ZFP1: variants seen among roughly 807,000 people sequenced by gnomAD.
ZFP1 encodes the protein ZFP1 zinc finger protein.
Under a neutral mutation model 38.5 loss-of-function variants are expected in ZFP1, and 32 were observed. The ratio of observed to expected loss-of-function variants is 0.83; its 90% confidence interval spans 0.63 to 1.12. The LOEUF (loss-of-function observed/expected upper bound fraction) is 1.12, where lower values mean the gene tolerates loss of function less well. Ranked by LOEUF, ZFP1 falls within the 50% of genes most tolerant of loss-of-function variation. ZFP1 has a pLI of 0.00. For missense variants in ZFP1, 616 were observed against 480.8 expected (o/e 1.28, Z -2.63); for synonymous variants, 245 against 168.8 (o/e 1.45, Z -3.50).
chr16:75,120,905 A>G, the ZFP1 span, among the ~76,000 whole-genome samples: 48 of 152,226 alleles, frequency 3.2e-4, 1 homozygote, highest in Non-Finnish European at 6.0e-4. Flanking sequence ...GATTACAGGC[A>G]TAAGCCACTG....
chr16:75,170,173 A>T lies in ZFP1; in HGVS notation c.1063A>T (p.Thr355Ser). 6.2e-7 allele frequency: 1 copy of T among 1,614,236 alleles called. No homozygotes were observed. The stretch of plus-strand genomic sequence containing the variant: ...TACAGGAGAGAAACCCTATGAATGT[A>T]CTGAGTGCGGCAAAACTTTCAGCCA... ...THTGEKPYEC[T>S]ECGKTFSQRS... The change falls in exon 4 of 4, where the codon ACT becomes TCT. Residue 355 changes from threonine to serine, a missense_variant. Transcript: ENST00000570010.
At chr16:75,151,945 T>C (rs2037225566) in intron 1 of ZFP1, among the ~76,000 whole-genome samples, 1 of 152,200 alleles carries the variant, frequency 6.6e-6, no homozygotes. Context: ...TTGAAAGATA[T>C]TTTTGCTGGG....
chr16:75,148,153 C>A (rs2036980660), upstream of ZFP1, among the ~76,000 whole-genome samples: 1 of 152,160 alleles, frequency 6.6e-6, no homozygotes, highest in East Asian at 1.9e-4. Context: ...TAATGTTATA[C>A]GCAGTTAATC....
At chr16:75,157,740 C>G (rs572829730) in intron 2 of ZFP1, among the ~76,000 whole-genome samples, 4 of 152,168 alleles carry the variant, frequency 2.6e-5, no homozygotes, top group African/African-American at 9.6e-5. Context: ...CCCTCTTTAT[C>G]CCTGATAATA....
chr16:75,119,614 A>G, the ZFP1 span: 9 of 152,330 alleles, frequency 5.9e-5, no homozygotes, highest in East Asian at 3.9e-4. Context: ...TGTTTTGGCT[A>G]AAGTTAAGAT....
At chr16:75,140,514 C>G in the ZFP1 span, among the ~76,000 whole-genome samples, 3 of 152,236 alleles carry the variant, frequency 2.0e-5, no homozygotes, top group East Asian at 3.8e-4. Context: ...ATTGTTTATT[C>G]TTATTGTCCC....
chr16:75,153,409 C>T (rs1056013749), intron 2 of ZFP1, among the ~76,000 whole-genome samples: 1 of 152,180 alleles, frequency 6.6e-6, no homozygotes, highest in African/African-American at 2.4e-5. Context: ...AAGCAGGTAC[C>T]ACTGTCATTA....
At chr16:75,143,808 C>T (rs946366374), upstream of ZFP1, among the ~76,000 whole-genome samples, 2 of 151,834 alleles carry the variant, frequency 1.3e-5, no homozygotes, top group African/African-American at 4.8e-5. Flanking sequence ...CATGCCACTG[C>T]GCCCACCTAA....
intron 2 of ZFP1, among the ~76,000 whole-genome samples, chr16:75,164,891 C>T (rs979421083): frequency 2.6e-5 from 4 of 152,044 alleles, no homozygotes; most frequent in Non-Finnish European, 4.4e-5. Flanking sequence ...CCGCAACGTC[C>T]ACTTCCTGGG....
At position 75,166,468 on chromosome 16, in the gene ZFP1, C is replaced by T; in HGVS notation, c.16-302C>T. The stretch of plus-strand genomic sequence containing the variant: ...CTCGAACTCCCGACCTCAAGTGATT[C>T]CCCCGCCCACCTAGCCTCCCAAAGT... On this transcript the variant is annotated intron_variant, in intron 2 of 3. Transcript: ENST00000570010. 4.7e-6 allele frequency: 4 copies of T among 852,238 alleles called. No homozygotes were observed. In the South Asian group the frequency reaches 1.6e-4, roughly 35 times the overall value. 52.8% of individuals were successfully genotyped at this position (852,238 alleles called of 1,614,324 possible). A position where few individuals can be genotyped will look rare whatever the true frequency, so the allele number is the denominator to read the frequency against.
At chr16:75,131,404 G>A in the ZFP1 span, among the ~76,000 whole-genome samples, 4 of 152,256 alleles carry the variant, frequency 2.6e-5, no homozygotes, top group East Asian at 7.7e-4. Flanking sequence ...GGACCATCCT[G>A]GAGTGATGCG....
chr16:75,156,972 A>G (rs2037498206), intron 2 of ZFP1, among the ~76,000 whole-genome samples: 1 of 152,280 alleles, frequency 6.6e-6, no homozygotes, highest in Admixed American at 6.5e-5. Context: ...CTTGTTGATG[A>G]CAACCCTCAG....
chr16:75,136,728 G>T, the ZFP1 span, among the ~76,000 whole-genome samples: 1 of 152,032 alleles, frequency 6.6e-6, no homozygotes. Context: ...AAATTAGCCA[G>T]CCGTGATGGT....
intron 1 of ZFP1, chr16:75,148,933 G>T (rs1361873608): frequency 2.6e-5 from 4 of 152,032 alleles, no homozygotes; most frequent in Admixed American, 2.6e-4. Context: ...CGAAGGGCTC[G>T]GGCCGCGCGG....
chr16:75,128,225 C>T, the ZFP1 span, among the ~76,000 whole-genome samples: 3 of 152,178 alleles, frequency 2.0e-5, no homozygotes, highest in African/African-American at 2.4e-5. Flanking sequence ...AGGAGCCCCA[C>T]GTTTATCTTG....
At chr16:75,133,183 G>C in the ZFP1 span, among the ~76,000 whole-genome samples, 1 of 152,022 alleles carries the variant, frequency 6.6e-6, no homozygotes, top group African/African-American at 2.4e-5. Context: ...CGCCATGTTG[G>C]CCAGGCTGGT....
chr16:75,132,539 C>G, the ZFP1 span: 2 of 152,136 alleles, frequency 1.3e-5, no homozygotes, highest in East Asian at 3.9e-4. Flanking sequence ...ACTTTCTGCT[C>G]TGATGGAACC....
the ZFP1 span, among the ~76,000 whole-genome samples, chr16:75,123,964 C>T: frequency 1.5e-4 from 22 of 151,414 alleles, no homozygotes; most frequent in East Asian, 8.1e-4. Flanking sequence ...CCTGATAGCA[C>T]GCACCTGTAG....
At chr16:75,146,384 G>T (rs369098188), upstream of ZFP1, among the ~76,000 whole-genome samples, 1 of 151,928 alleles carries the variant, frequency 6.6e-6, no homozygotes, top group African/African-American at 2.4e-5. Context: ...AGCCAGGATG[G>T]TCTCGATCTC....
Sources: allele counts gnomAD v4.1 joint callset (sites outside exome capture counted in the v4.1 genomes callset), GRCh38; gene constraint gnomAD v4.1.1; transcripts MANE v1.5; gene names NCBI Gene and HGNC (gene_info 2026-07-23, HGNC 2026-07-21).